The following USP43 variants were observed in gnomAD, a reference collection of about 807,000 sequenced individuals.
USP43 encodes the protein ubiquitin carboxyl-terminal hydrolase 43.
A neutral mutation model predicts 90.7 loss-of-function variants in USP43; 33 were observed. That is an observed-to-expected ratio of 0.36 (90% CI 0.28 to 0.49). The LOEUF (loss-of-function observed/expected upper bound fraction) is 0.49, where lower values mean the gene tolerates loss of function less well. Ranked by LOEUF, USP43 falls within the 20% of genes least tolerant of loss-of-function variation. USP43 has a pLI of 0.98. For missense variants in USP43, 1,274 were observed against 1,476.4 expected (o/e 0.86, Z 2.25); for synonymous variants, 598 against 615.8 (o/e 0.97, Z 0.43).
chr17:9,696,411 G>A (rs528195307), intron 9 of USP43, among the ~76,000 whole-genome samples: 1 of 152,300 alleles, frequency 6.6e-6, no homozygotes, highest in Admixed American at 6.5e-5. Context: ...TGGGATTACA[G>A]TCGTGAGCCA....
At chr17:9,692,977 C>G in intron 8 of USP43, 150 bp from the exon 9 acceptor site, 1 of 685,914 alleles carries the variant, frequency 1.5e-6, no homozygotes, top group Non-Finnish European at 2.4e-6. Flanking sequence ...GTTTTTGTCT[C>G]TTAATTTTGA....
Position 9,693,237 on chromosome 17 carries a change from G to A in USP43, c.1457+7G>A. On this transcript the variant is annotated splice_region_variant and intron_variant, in intron 9 of 14. Coordinates refer to ENST00000285199, the MANE Select transcript of USP43 (RefSeq NM_153210.5). Reference sequence around the variant, plus strand: ...GTCACTGGGCAGTTGACAGGTAAGGGGGAAGGTCCAGGTTCAGTCAGCTAA... The same window carrying A: ...GTCACTGGGCAGTTGACAGGTAAGGAGGAAGGTCCAGGTTCAGTCAGCTAA... 1 of 1,609,092 alleles carries A rather than the reference G, an allele frequency of 6.2e-7. No homozygotes were observed. Among genetic ancestry groups the A allele is most frequent in the Admixed American group, 1.7e-5 (1 of 59,414 alleles).
intron 6 of USP43, among the ~76,000 whole-genome samples, chr17:9,681,462 T>TTTTTTATATATATATA (rs1491455898): frequency 2.7e-4 from 5 of 18,582 alleles, no homozygotes; most frequent in East Asian, 3.6e-3. Flanking sequence ...ATAAAATATA[T>TTTTTTATATATATATA]TATATATATA....
intron 14 of USP43, among the ~76,000 whole-genome samples, chr17:9,717,359 CAGTGTG>C (rs1916642000): frequency 7.6e-6 from 1 of 132,206 alleles, no homozygotes; most frequent in South Asian, 2.2e-4. Context: ...TGCTTGGGCA[CAGTGTG>C]TGTGTGTGTG....
intron 14 of USP43, among the ~76,000 whole-genome samples, chr17:9,719,035 G>A (rs1916775476): frequency 6.6e-6 from 1 of 152,140 alleles, no homozygotes; most frequent in Admixed American, 6.5e-5. Flanking sequence ...GGCTGAGGCA[G>A]GAGAATCACT....
intron 14 of USP43, among the ~76,000 whole-genome samples, chr17:9,721,327 C>T (rs1597896735): frequency 6.6e-6 from 1 of 152,030 alleles, no homozygotes; most frequent in African/African-American, 2.4e-5. Flanking sequence ...TATTTCATTT[C>T]GGTTTTGATT....
chr17:9,727,958 G>A lies in USP43; in HGVS notation c.2340G>A (p.Gly780=). 1 of 1,600,706 alleles carries A rather than the reference G, an allele frequency of 6.2e-7. No individual in the cohort carries two copies. ...TNSLCNQEKG[G]LEPRRLVRGV... The stretch of plus-strand genomic sequence containing the variant: ...CAGTCTCTCTGTCTCTTTCAGGAGG[G>A]TTGGAGCCCAGGCGTTTGGTACGGG... The change falls in exon 15 of 15, where the codon GGG becomes GGA. Residue 780 remains glycine, a synonymous_variant. Coordinates refer to ENST00000285199, the MANE Select transcript of USP43 (RefSeq NM_153210.5).
chr17:9,668,694 C>T (rs992361290), intron 3 of USP43, among the ~76,000 whole-genome samples: 1 of 152,172 alleles, frequency 6.6e-6, no homozygotes, highest in African/African-American at 2.4e-5. Flanking sequence ...GCTCAGATTT[C>T]TCTGTCATGC....
intron 1 of USP43, among the ~76,000 whole-genome samples, chr17:9,653,712 G>T (rs1222207447): frequency 1.3e-5 from 2 of 152,216 alleles, no homozygotes; most frequent in African/African-American, 4.8e-5. Context: ...GGGGCTGAAC[G>T]ACAGAGGGTG....
intron 2 of USP43, among the ~76,000 whole-genome samples, chr17:9,659,731 C>T (rs950085401): frequency 6.6e-6 from 1 of 151,894 alleles, no homozygotes; most frequent in African/African-American, 2.4e-5. Context: ...GGAGAAGATC[C>T]CCGAGAGGTT....
chr17:9,728,306 A>G lies in USP43; in HGVS notation c.2688A>G (p.Gln896=). The G allele has an allele frequency of 6.2e-7, 1 of 1,612,944 alleles. No individual in the cohort carries two copies. Among genetic ancestry groups the G allele is most frequent in the African/African-American group, 1.3e-5 (1 of 75,004 alleles). The change falls in exon 15 of 15, where the codon CAA becomes CAG. Residue 896 remains glutamine (Q), a synonymous_variant. Coordinates refer to ENST00000285199, the MANE Select transcript of USP43 (RefSeq NM_153210.5). The surrounding 1 kb of genome is among the most constrained non-coding windows in gnomAD (Gnocchi z 6.2). ...GPAGVPCPSA[Q]PNHCLAPGNS... ...CCGGGGTGCCCTGTCCCTCGGCTCAACCCAACCACTGTCTGGCCCCTGGAA... is the reference window on the plus strand; with the variant it reads ...CCGGGGTGCCCTGTCCCTCGGCTCAGCCCAACCACTGTCTGGCCCCTGGAA...
At chr17:9,724,088 T>C (rs1343393268) in intron 14 of USP43, among the ~76,000 whole-genome samples, 6 of 152,192 alleles carry the variant, frequency 3.9e-5, no homozygotes, top group Non-Finnish European at 7.3e-5. Flanking sequence ...CCCTCATGCG[T>C]GTTGCTGTTT....
intron 7 of USP43, 64 bp downstream of exon 7, chr17:9,683,022 CTGTCTAGAGTAAAA>C: frequency 6.4e-7 from 1 of 1,567,386 alleles, no homozygotes; most frequent in Non-Finnish European, 8.7e-7. Context: ...ACTTGGGAGC[CTGTCTAGAGTAAAA>C]TTAAACATTT....
chr17:9,665,105 T>A (rs1912942214), intron 2 of USP43, among the ~76,000 whole-genome samples: 2 of 151,272 alleles, frequency 1.3e-5, no homozygotes, highest in Admixed American at 1.3e-4. Flanking sequence ...GGGCAGGGGG[T>A]GAAGAATAAA....
intron 1 of USP43, among the ~76,000 whole-genome samples, chr17:9,654,298 A>G (rs1469698044): frequency 1.3e-5 from 2 of 152,268 alleles, no homozygotes; most frequent in Admixed American, 1.3e-4. Context: ...AGCATCTTGT[A>G]TTTTTATTTA....
intron 12 of USP43, among the ~76,000 whole-genome samples, chr17:9,706,834 G>A (rs993405263): frequency 3.3e-5 from 5 of 151,584 alleles, no homozygotes; most frequent in Admixed American, 2.0e-4. Flanking sequence ...TAGTAGAGAC[G>A]GGGTTTCACT....
chr17:9,728,334 T>G lies in USP43; in HGVS notation c.2716T>G (p.Ser906Ala). ...CAACCACTGTCTGGCCCCTGGAAAC[T>G]CAGATGGTCCAAACACAGCAAGGAA... Reference protein sequence around the residue: ...QPNHCLAPGNSDGPNTARKLK... With the variant: ...QPNHCLAPGNADGPNTARKLK... The change falls in exon 15 of 15, where the codon TCA (serine) becomes GCA (alanine). Residue 906 changes from serine to alanine, a missense_variant. By Grantham distance (99) the Ser-to-Ala change is moderately conservative. Transcript: ENST00000285199. The surrounding 1 kb of genome is among the most constrained non-coding windows in gnomAD (Gnocchi z 6.2). 6.2e-7 allele frequency: 1 copy of G among 1,612,108 alleles called. No homozygotes were observed. The highest frequency in any genetic ancestry group is 8.5e-7 in the Non-Finnish European group (1 of 1,179,186).
chr17:9,705,822 AT>A (rs1915843435), intron 12 of USP43, among the ~76,000 whole-genome samples: 1 of 152,068 alleles, frequency 6.6e-6, no homozygotes, highest in African/African-American at 2.4e-5. Flanking sequence ...TATTGCTGTG[AT>A]AACCCTTTAG....
chr17:9,684,792 A>G (rs568263507), intron 7 of USP43, among the ~76,000 whole-genome samples: 2 of 149,986 alleles, frequency 1.3e-5, no homozygotes, highest in African/African-American at 2.5e-5. Flanking sequence ...AAAAATCAGC[A>G]TCATTTGTAG....
Sources: allele counts gnomAD v4.1 joint callset (sites outside exome capture counted in the v4.1 genomes callset), GRCh38; gene constraint gnomAD v4.1.1; non-coding constraint Gnocchi (gnomAD v3.1); transcripts MANE v1.5; gene names NCBI Gene and HGNC (gene_info 2026-07-23, HGNC 2026-07-21).